RNF180: variants seen among roughly 807,000 people sequenced by gnomAD.
RNF180 encodes E3 ubiquitin-protein ligase RNF180.
A neutral mutation model predicts 59.2 loss-of-function variants in RNF180; 38 were observed. The ratio of observed to expected loss-of-function variants is 0.64; its 90% CI spans 0.50 to 0.84. The LOEUF is 0.84. Ranked by LOEUF, RNF180 falls within the 40% of genes least tolerant of loss-of-function variation. RNF180 has a pLI of 0.00. For missense variants in RNF180, 705 were observed against 700.9 expected (o/e 1.01, Z -0.07); for synonymous variants, 262 against 240.3 (o/e 1.09, Z -0.84).
chr5:64,296,954 T>A (rs1489899896), intron 5 of RNF180, among the ~76,000 whole-genome samples: 1 of 152,124 alleles, frequency 6.6e-6, no homozygotes, highest in Non-Finnish European at 1.5e-5. Flanking sequence ...AAAGAGTGAC[T>A]TTTCTGTTTC....
At chr5:64,240,199 A>T (rs1276744431) in intron 5 of RNF180, among the ~76,000 whole-genome samples, 1 of 152,168 alleles carries the variant, frequency 6.6e-6, no homozygotes, top group East Asian at 1.9e-4. Flanking sequence ...CAAAATCTTA[A>T]CAAAATGTTC....
At chr5:64,286,493 A>G (rs879915165) in intron 5 of RNF180, among the ~76,000 whole-genome samples, 3 of 152,226 alleles carry the variant, frequency 2.0e-5, no homozygotes, top group Admixed American at 2.0e-4. Flanking sequence ...GATAAGGGGG[A>G]ACAATTATGA....
chr5:64,303,612 C>T (rs1743277001), intron 5 of RNF180, among the ~76,000 whole-genome samples: 2 of 151,768 alleles, frequency 1.3e-5, no homozygotes, highest in African/African-American at 4.8e-5. Context: ...GAGCAAGTTC[C>T]TATCATTAAT....
chr5:64,199,457 T>C (rs1247222080), intron 1 of RNF180, among the ~76,000 whole-genome samples: 2 of 152,182 alleles, frequency 1.3e-5, no homozygotes, highest in Admixed American at 6.5e-5. Flanking sequence ...TCAGAATCAG[T>C]AAAAATTTCT....
chr5:64,201,023 T>C, intron 2 of RNF180, 81 bp downstream of exon 2: 1 of 1,033,988 alleles, frequency 9.7e-7, no homozygotes, highest in Non-Finnish European at 1.4e-6. Flanking sequence ...CACTTATTCT[T>C]CTCTACCTTA....
chr5:64,228,293 T>C (rs1349812628), intron 5 of RNF180, among the ~76,000 whole-genome samples: 1 of 152,140 alleles, frequency 6.6e-6, no homozygotes. Context: ...GCAAGAGGAC[T>C]GCTTGAGCCC....
At chr5:64,283,320 C>A (rs934924746) in intron 5 of RNF180, among the ~76,000 whole-genome samples, 1 of 151,878 alleles carries the variant, frequency 6.6e-6, no homozygotes. Flanking sequence ...TTTCTGTTTA[C>A]TTGGTAGATT....
intron 7 of RNF180, among the ~76,000 whole-genome samples, chr5:64,339,271 T>C (rs560489270): frequency 6.6e-6 from 1 of 152,284 alleles, no homozygotes; most frequent in Non-Finnish European, 1.5e-5. Context: ...TCTTTGGATT[T>C]ATTTTGTTAT....
intron 1 of RNF180, among the ~76,000 whole-genome samples, chr5:64,191,405 C>G (rs559985001): frequency 6.6e-6 from 1 of 152,254 alleles, no homozygotes; most frequent in Admixed American, 6.5e-5. Flanking sequence ...CAATATCATA[C>G]AGTATTGTTT....
At chr5:64,357,637 CAT>C (rs910121254) in intron 7 of RNF180, among the ~76,000 whole-genome samples, 2 of 151,852 alleles carry the variant, frequency 1.3e-5, no homozygotes, top group East Asian at 2.0e-4. Flanking sequence ...CATCCAAAAA[CAT>C]ATATTGAATG....
chr5:64,348,017 G>C (rs1034541196), intron 7 of RNF180, among the ~76,000 whole-genome samples: 6 of 151,968 alleles, frequency 3.9e-5, no homozygotes, highest in African/African-American at 1.4e-4. Context: ...TAATAATAAA[G>C]GTGCTACTCC....
chr5:64,183,441 C>CTTTTTTTT (rs367772828), intron 1 of RNF180, among the ~76,000 whole-genome samples: 3 of 89,914 alleles, frequency 3.3e-5, no homozygotes, highest in Non-Finnish European at 4.2e-5. Context: ...GAAAGTATAC[C>CTTTTTTTT]TTTTTTTTTT....
intron 5 of RNF180, among the ~76,000 whole-genome samples, chr5:64,248,038 G>T (rs1390995893): frequency 6.6e-6 from 1 of 152,094 alleles, no homozygotes; most frequent in Non-Finnish European, 1.5e-5. Flanking sequence ...AATGTTTTTG[G>T]GAAACTAGCT....
intron 5 of RNF180, among the ~76,000 whole-genome samples, chr5:64,225,847 C>T (rs1741702356): frequency 1.4e-5 from 2 of 146,622 alleles, no homozygotes; most frequent in Admixed American, 6.8e-5. Flanking sequence ...ATGAAGCGAG[C>T]GCCTCTGCCC....
chr5:64,259,533 C>T (rs1744188259), intron 5 of RNF180, among the ~76,000 whole-genome samples: 1 of 152,164 alleles, frequency 6.6e-6, no homozygotes, highest in African/African-American at 2.4e-5. Context: ...TTCTTAGAGA[C>T]TTACTCCTAT....
intron 7 of RNF180, among the ~76,000 whole-genome samples, chr5:64,348,455 T>C (rs1345777184): frequency 6.6e-6 from 1 of 152,112 alleles, no homozygotes; most frequent in Non-Finnish European, 1.5e-5. Flanking sequence ...ATATTCACTT[T>C]TAAAAGAGAT....
chr5:64,340,753 G>T (rs115057553), intron 7 of RNF180, among the ~76,000 whole-genome samples: 247 of 152,190 alleles, frequency 1.6e-3, no homozygotes, highest in African/African-American at 5.6e-3. Flanking sequence ...TTCTATTTTT[G>T]TTACACAGTT....
intron 5 of RNF180, among the ~76,000 whole-genome samples, chr5:64,271,865 C>T (rs10054471): frequency 0.26 from 39,452 of 151,782 alleles, 5,260 homozygotes; most frequent in Middle Eastern, 0.32. Context: ...GGATTTCACA[C>T]ACATTCTCAG....
intron 7 of RNF180, 60 bp from the exon 8 acceptor site, chr5:64,369,555 C>A: frequency 9.4e-7 from 1 of 1,067,460 alleles, no homozygotes; most frequent in Non-Finnish European, 1.3e-6. Context: ...TTGTGTACAG[C>A]TTCTTTTCTG....
Sources: gnomAD v4.1 joint callset for allele counts (sites outside exome capture counted in the v4.1 genomes callset) on GRCh38, gnomAD v4.1.1 for gene constraint, MANE v1.5 for transcripts, NCBI Gene and HGNC (gene_info 2026-07-23, HGNC 2026-07-21) for gene names.